EXO1: variants seen among roughly 807,000 people sequenced by gnomAD.
EXO1 encodes exonuclease 1.
A neutral mutation model predicts 84.5 loss-of-function variants in EXO1; 69 were observed. The ratio of observed to expected loss-of-function variants is 0.82; its 90% confidence interval spans 0.67 to 1.00. The LOEUF (loss-of-function observed/expected upper bound fraction) is 1.00, where lower values mean the gene tolerates loss of function less well. EXO1 is among the 50% of genes least tolerant of loss of function. The pLI is 0.00. For missense variants in EXO1, 1,045 were observed against 1,000.7 expected, an observed-to-expected ratio of 1.04 and a Z score of -0.60; for synonymous variants, 373 against 366.1, an observed-to-expected ratio of 1.02 and a Z score of -0.21.
chr1:241,854,207 G>T (rs535803503), intron 6 of EXO1, among the ~76,000 whole-genome samples: 1 of 152,144 alleles, frequency 6.6e-6, no homozygotes, highest in African/African-American at 2.4e-5. Flanking sequence ...GCACGATGTG[G>T]GCTCACTGCA....
intron 10 of EXO1, 38 bp downstream of exon 10, chr1:241,861,540 A>T (rs750732573): frequency 3.7e-6 from 4 of 1,077,370 alleles, no homozygotes; most frequent in Non-Finnish European, 5.8e-6. Context: ...AACACGTTTT[A>T]GTTATGTCCC....
rs1050994108 is a variant in EXO1 at position 241,889,525 on chromosome 1, A to C, written c.2466A>C (p.Gln822His). The change falls in exon 16 of 16, where the codon CAA becomes CAC. Residue 822 changes from glutamine (Q) to histidine (H), a missense_variant. Transcript: ENST00000366548. ...TGTCCCCAGTCAGAGATAACATCCA[A>C]CTAACTCCAGAAGCGGAAGAGGATA... is the stretch of plus-strand genomic sequence containing the variant. ...KPLSPVRDNI[Q>H]LTPEAEEDIF... 6.2e-7 allele frequency: 1 copy of C among 1,613,746 alleles called. No homozygotes were observed. The highest frequency in any genetic ancestry group is 8.5e-7 in the Non-Finnish European group (1 of 1,179,640).
At chr1:241,857,842 T>C (rs1055247419) in intron 7 of EXO1, among the ~76,000 whole-genome samples, 1 of 152,180 alleles carries the variant, frequency 6.6e-6, no homozygotes. Context: ...TGACAACATA[T>C]GCTTTATATT....
chr1:241,882,568 C>T (rs955986916), intron 14 of EXO1, among the ~76,000 whole-genome samples: 8 of 151,932 alleles, frequency 5.3e-5, no homozygotes, highest in East Asian at 3.9e-4. Context: ...ATATTAAGCA[C>T]GAATTAAAGC....
In EXO1 at chr1:241,877,913, T is replaced by C. The variant is rs77171753; in HGVS notation, c.1515-836T>C. Among the ~76,000 whole-genome samples, 25 of 152,326 alleles carry C rather than the reference T, an allele frequency of 1.6e-4. No individual in the cohort carries two copies. In the East Asian group the frequency reaches 3.9e-3, roughly 24 times the overall value. ...TATAATGCTAGGAACAAAGCTAAGA[T>C]GAAGGGTAAATAGCTAATTTCTTTA... On this transcript the variant is annotated intron_variant, in intron 12 of 15. Coordinates refer to ENST00000366548, the MANE Select transcript of EXO1 (RefSeq NM_130398.4).
intron 8 of EXO1, among the ~76,000 whole-genome samples, chr1:241,860,025 C>A (rs1178474074): frequency 1.3e-5 from 2 of 152,292 alleles, no homozygotes; most frequent in East Asian, 3.9e-4. Flanking sequence ...CCGTTTGGTT[C>A]TCTGGGCCTT....
chr1:241,884,753 C>G (rs1776157), intron 14 of EXO1, among the ~76,000 whole-genome samples: 147,921 of 152,290 alleles, frequency 0.97, 71,995 homozygotes, highest in East Asian at 1. Flanking sequence ...CAGCGAGAGA[C>G]ATTCATTTTG....
intron 10 of EXO1, among the ~76,000 whole-genome samples, chr1:241,864,384 C>T (rs939711726): frequency 2.0e-5 from 3 of 152,178 alleles, no homozygotes; most frequent in Non-Finnish European, 4.4e-5. Flanking sequence ...CCTTGCCATT[C>T]AATATTTAGC....
At chr1:241,854,604 A>G (rs908408455) in intron 6 of EXO1, 1 of 152,366 alleles carries the variant, frequency 6.6e-6, no homozygotes, top group African/African-American at 2.4e-5. Flanking sequence ...GCGATGCAGG[A>G]CAGAGCGTGA....
chr1:241,865,463 A>T (rs2148451650), intron 10 of EXO1, among the ~76,000 whole-genome samples: 1 of 151,924 alleles, frequency 6.6e-6, no homozygotes, highest in South Asian at 2.1e-4. Flanking sequence ...CACCTGCCTC[A>T]GCCTCCCAAA....
At chr1:241,888,835 G>A (rs1286467624) in intron 15 of EXO1, among the ~76,000 whole-genome samples, 1 of 152,180 alleles carries the variant, frequency 6.6e-6, no homozygotes, top group African/African-American at 2.4e-5. Context: ...AGCACTTTGG[G>A]AGGCTGAGGC....
intron 6 of EXO1, among the ~76,000 whole-genome samples, chr1:241,856,805 T>A (rs904011254): frequency 6.6e-6 from 1 of 152,130 alleles, no homozygotes; most frequent in Non-Finnish European, 1.5e-5. Flanking sequence ...CTGAAGCGAG[T>A]GGATCACTTG....
intron 12 of EXO1, among the ~76,000 whole-genome samples, chr1:241,873,596 T>G (rs1033842789): frequency 6.6e-5 from 10 of 152,284 alleles, no homozygotes; most frequent in African/African-American, 2.4e-4. Context: ...GCTGTAATAT[T>G]AATTGAGAAC....
At chr1:241,868,332 C>T (rs926251356) in intron 11 of EXO1, among the ~76,000 whole-genome samples, 19 of 146,910 alleles carry the variant, frequency 1.3e-4, no homozygotes, top group African/African-American at 3.1e-4. Flanking sequence ...GCGGAGATCA[C>T]GCAGTGCACT....
In EXO1 at chr1:241,855,781, C is replaced by T. The variant is rs570771363; in HGVS notation, c.406-1564C>T. Among the ~76,000 whole-genome samples, 16 of 152,310 alleles carry T rather than the reference C, an allele frequency of 1.1e-4. No homozygotes were observed. The South Asian group carries it at 3.3e-3, about 32-fold the overall frequency. On this transcript the variant is annotated intron_variant, in intron 6 of 15. Transcript: ENST00000366548. ...AGAGCGCAGCGCCGGTGGGCCGGCA[C>T]TGCTGGGGGACCCAGTACATCCTCC...
intron 10 of EXO1, among the ~76,000 whole-genome samples, chr1:241,864,339 T>C (rs546573389): frequency 9.2e-5 from 14 of 152,282 alleles, no homozygotes; most frequent in African/African-American, 3.4e-4. Context: ...ATAGGGAAAG[T>C]GAGTTGGGGC....
At chr1:241,879,429 A>G (rs777345511) in intron 13 of EXO1, 86 bp downstream of exon 13, 1 of 764,028 alleles carries the variant, frequency 1.3e-6, no homozygotes, top group Non-Finnish European at 2.2e-6. Flanking sequence ...TTTTTCCTAC[A>G]TGTGAATGAC....
intron 11 of EXO1, among the ~76,000 whole-genome samples, chr1:241,868,219 A>G (rs1661860970): frequency 6.6e-6 from 1 of 152,114 alleles, no homozygotes. Context: ...TATTAAAAAT[A>G]CAAAAAATTA....
At position 241,879,333 on chromosome 1, in the gene EXO1, C is replaced by G. The variant is rs753952700; in HGVS notation, c.2099C>G (p.Ser700Cys). The G allele has an allele frequency of 8.2e-6, 13 of 1,587,980 alleles. No individual in the cohort carries two copies. Among genetic ancestry groups the G allele is most frequent in the Non-Finnish European group, 1.1e-5 (13 of 1,159,272 alleles). ...CTTTCTCAGTGCTCTAGTAAGGACTCTGATTCAGAGGTAAGTCAAATCCTG... is the reference window on the plus strand; with the variant it reads ...CTTTCTCAGTGCTCTAGTAAGGACTGTGATTCAGAGGTAAGTCAAATCCTG... ...SKLSQCSSKD[S>C]DSEESDCNIK... is the part of the protein sequence containing the mutation. Residue 700 changes from serine to cysteine, a missense_variant, in exon 13 of 16, where the codon TCT (serine) becomes TGT (cysteine). Transcript: ENST00000366548.
Sources: gnomAD v4.1 joint callset for allele counts (sites outside exome capture counted in the v4.1 genomes callset) on GRCh38, gnomAD v4.1.1 for gene constraint, MANE v1.5 for transcripts, NCBI Gene and HGNC (gene_info 2026-07-23, HGNC 2026-07-21) for gene names.